The following WBP4 variants were observed in gnomAD, a reference collection of about 807,000 sequenced individuals.
WBP4 encodes WW domain binding protein 4.
In WBP4, 37 loss-of-function variants were observed where a neutral mutation model predicts 55.4. That is an observed-to-expected ratio of 0.67 (90% CI 0.51 to 0.88). The LOEUF (loss-of-function observed/expected upper bound fraction) is 0.88, where lower values mean the gene tolerates loss of function less well. Ranked by LOEUF, WBP4 falls within the 40% of genes least tolerant of loss-of-function variation. The pLI, the probability that WBP4 is intolerant of heterozygous loss-of-function variation, is 0.00. For synonymous variants in WBP4, 142 were observed against 140.2 expected (o/e 1.01, Z -0.09); for missense variants, 398 against 420.8 (o/e 0.95, Z 0.47).
intron 5 of WBP4, among the ~76,000 whole-genome samples, chr13:41,069,175 T>C (rs1057170863): frequency 1.3e-5 from 2 of 152,176 alleles, no homozygotes; most frequent in African/African-American, 4.8e-5. Context: ...TGATTTGATA[T>C]TGTTACTGAA....
At position 41,065,287 on chromosome 13, in the gene WBP4, GGT is replaced by G; in HGVS notation, c.262+1_262+2del. ...TTTGAAAAGACTTGGCTTAGAGTCAGGTAAAAAAAAAAAAAAAAAAAAAGCAG... is the reference window on the plus strand; with the variant it reads ...TTTGAAAAGACTTGGCTTAGAGTCAGAAAAAAAAAAAAAAAAAAAAAGCAG... On this transcript the variant is annotated splice_donor_variant, in intron 4 of 9. Coordinates refer to ENST00000379487, the MANE Select transcript of WBP4 (RefSeq NM_007187.5). LOFTEE classifies it high-confidence loss of function. 8.1e-7 allele frequency: 1 copy of G among 1,228,264 alleles called. No homozygotes were observed. The highest frequency in any genetic ancestry group is 1.1e-6 in the Non-Finnish European group (1 of 936,232). 76.1% of individuals were successfully genotyped at this position (1,228,264 alleles called of 1,614,324 possible).
intron 2 of WBP4, among the ~76,000 whole-genome samples, chr13:41,064,292 T>C (rs1877844316): frequency 6.6e-6 from 1 of 152,136 alleles, no homozygotes; most frequent in Non-Finnish European, 1.5e-5. Context: ...GTTTAACCAG[T>C]CAGTCCCTTA....
At chr13:41,077,433 A>C (rs1003035477) in intron 8 of WBP4, among the ~76,000 whole-genome samples, 2 of 152,120 alleles carry the variant, frequency 1.3e-5, no homozygotes. Flanking sequence ...CAGAGTTTGC[A>C]GTGAGCTGAG....
At position 41,076,111 on chromosome 13, in the gene WBP4, T is replaced by C. The variant is rs764323684; in HGVS notation, c.630T>C (p.Asn210=). The C allele has an allele frequency of 3.1e-6, 5 of 1,613,622 alleles. No individual in the cohort carries two copies. The highest frequency in any genetic ancestry group is 4.5e-5 in the East Asian group (2 of 44,856). ...GTGATCTGCCTTCTAGTAAGGTCAA[T>C]GAAAATTCACTTGGCACCCTAGATG... ...HTSDLPSSKV[N]ENSLGTLDES... The change falls in exon 8 of 10, where the codon AAT becomes AAC. Residue 210 remains asparagine, a synonymous_variant. Coordinates refer to ENST00000379487, the MANE Select transcript of WBP4 (RefSeq NM_007187.5).
intron 2 of WBP4, among the ~76,000 whole-genome samples, chr13:41,063,751 C>T (rs1369358536): frequency 6.6e-6 from 1 of 151,912 alleles, no homozygotes; most frequent in African/African-American, 2.4e-5. Flanking sequence ...TTGAATGGTC[C>T]TTTAATATTG....
chr13:41,083,302 A>G lies in WBP4; in HGVS notation c.*388A>G, dbSNP rs1350663201. The G allele has an allele frequency of 2.3e-5, 4 of 174,924 alleles. No homozygotes were observed. The highest frequency in any genetic ancestry group is 9.6e-5 in the African/African-American group (4 of 41,748). 10.8% of individuals were successfully genotyped at this position (174,924 alleles called of 1,614,324 possible). A position where few individuals can be genotyped will look rare whatever the true frequency, so the allele number is the denominator to read the frequency against. On this transcript the variant is annotated 3_prime_UTR_variant, in exon 10 of 10. Coordinates refer to ENST00000379487, the MANE Select transcript of WBP4 (RefSeq NM_007187.5). Reference sequence around the variant, plus strand: ...GATATTAACTGTTGTCCAACAAATAAGTATCGGAGTACGTGAGAATATTCC... The same window carrying G: ...GATATTAACTGTTGTCCAACAAATAGGTATCGGAGTACGTGAGAATATTCC...
In WBP4 at chr13:41,080,573, A is replaced by G. The variant is rs1454118148; in HGVS notation, c.757-73A>G. ...TTTATAAATCTATAACAATACCTTT[A>G]AAAGCCTTAAATTTTATTTTTGTCT... On this transcript the variant is annotated intron_variant, in intron 8 of 9. Coordinates refer to ENST00000379487, the MANE Select transcript of WBP4 (RefSeq NM_007187.5). The G allele has an allele frequency of 2.5e-6, 3 of 1,177,416 alleles. No homozygotes were observed. In the African/African-American group the frequency reaches 4.7e-5, roughly 18 times the overall value. 72.9% of individuals were successfully genotyped at this position (1,177,416 alleles called of 1,614,324 possible). A position where few individuals can be genotyped will look rare whatever the true frequency, so the allele number is the denominator to read the frequency against.
chr13:41,077,234 G>A (rs981184818), intron 8 of WBP4, among the ~76,000 whole-genome samples: 2 of 149,972 alleles, frequency 1.3e-5, no homozygotes, highest in Admixed American at 6.7e-5. Context: ...CAGCTCAATA[G>A]ATAAAAAGCA....
chr13:41,062,091 T>C, intron 1 of WBP4: 1 of 963,468 alleles, frequency 1.0e-6, no homozygotes, highest in Non-Finnish European at 1.2e-6. Context: ...CTGGATAGCG[T>C]AATGGTTTTT....
intron 7 of WBP4, among the ~76,000 whole-genome samples, chr13:41,073,477 C>T (rs1327314714): frequency 6.6e-6 from 1 of 151,056 alleles, no homozygotes; most frequent in Non-Finnish European, 1.5e-5. Flanking sequence ...CGTGCCATTG[C>T]ACTCCAGCCT....
At chr13:41,062,125 GT>G in intron 1 of WBP4, 2 of 176,694 alleles carry the variant, frequency 1.1e-5, no homozygotes, top group African/African-American at 1.4e-4. Flanking sequence ...TTTTTTTTTT[GT>G]CGGCCGTCTA....
chr13:41,064,334 T>C lies in WBP4; in HGVS notation c.76-682T>C, dbSNP rs567023027. On this transcript the variant is annotated intron_variant, in intron 2 of 9. Transcript: ENST00000379487. ...GATACCGTATTGTTATTGCAAACAG[T>C]GCTGCAGTCAGTAAGCTTGTGTATA... 2.0e-5 allele frequency among the ~76,000 whole-genome samples: 3 copies of C among 152,158 alleles called. No homozygotes were observed. In the East Asian group the frequency reaches 5.8e-4, roughly 29 times the overall value.
At chr13:41,062,096 GT>G (rs60658317) in intron 1 of WBP4, 55,473 of 780,346 alleles carry the variant, frequency 0.071, 6 homozygotes, top group East Asian at 0.11. Flanking sequence ...TAGCGTAATG[GT>G]TTTTTTTTTT....
At chr13:41,064,281 AGT>A (rs1877843821) in intron 2 of WBP4, among the ~76,000 whole-genome samples, 1 of 152,152 alleles carries the variant, frequency 6.6e-6, no homozygotes, top group Non-Finnish European at 1.5e-5. Context: ...AATGTACCAT[AGT>A]TTAACCAGTC....
chr13:41,062,382 C>T, intron 1 of WBP4: 3 of 837,096 alleles, frequency 3.6e-6, no homozygotes, highest in South Asian at 5.5e-5. Flanking sequence ...ATAACGATGA[C>T]GATAACAAGT....
Position 41,076,269 on chromosome 13 carries a change from ATTTTTTTTTTT to A in WBP4, c.756+50_756+60del, listed in dbSNP as rs35695477. ...TTTTAAATTTTACTCTTCACATCAA[ATTTTTTTTTTT>A]TTTTTTTTTTTTTTTTTGAGATGGA... On this transcript the variant is annotated intron_variant, in intron 8 of 9. Coordinates refer to ENST00000379487, the MANE Select transcript of WBP4 (RefSeq NM_007187.5). The A allele has an allele frequency of 1.6e-5, 11 of 678,810 alleles. No homozygotes were observed. The Admixed American group carries it at 2.6e-4, about 16-fold the overall frequency. The allele number at this position is 678,810 out of a possible 1,614,324, so 42.0% of individuals were successfully genotyped here. A position where few individuals can be genotyped will look rare whatever the true frequency, so the allele number is the denominator to read the frequency against.
At chr13:41,064,038 C>T (rs553127864) in intron 2 of WBP4, among the ~76,000 whole-genome samples, 4 of 151,710 alleles carry the variant, frequency 2.6e-5, no homozygotes, top group African/African-American at 9.7e-5. Context: ...CCCCAGTCAT[C>T]TAGTGGCCAT....
intron 8 of WBP4, 119 bp from the exon 9 acceptor site, chr13:41,080,527 A>ATT (rs1245684494): frequency 1.3e-6 from 1 of 743,760 alleles, no homozygotes; most frequent in African/African-American, 1.8e-5. Flanking sequence ...TTATGTGCAG[A>ATT]TTTGAGTTAG....
chr13:41,072,678 C>T (rs1878299686), intron 6 of WBP4, 104 bp from the exon 7 acceptor site: 1 of 889,672 alleles, frequency 1.1e-6, no homozygotes, highest in South Asian at 1.6e-5. Context: ...GAGATGATAT[C>T]ACCAGGTGTC....
Sources: gnomAD v4.1 joint callset for allele counts (sites outside exome capture counted in the v4.1 genomes callset) on GRCh38, gnomAD v4.1.1 for gene constraint, MANE v1.5 for transcripts, NCBI Gene and HGNC (gene_info 2026-07-23, HGNC 2026-07-21) for gene names.